TSHZ3: variants seen among roughly 807,000 people sequenced by gnomAD.
The protein encoded by TSHZ3 is teashirt homolog 3.
A neutral mutation model predicts 64.5 loss-of-function variants in TSHZ3; 10 were observed. The ratio of observed to expected loss-of-function variants is 0.16; its 90% CI spans 0.10 to 0.26. The LOEUF (loss-of-function observed/expected upper bound fraction) is 0.26. Among genes scored for constraint, TSHZ3 ranks in the 10% least tolerant of loss-of-function variants. TSHZ3 has a pLI of 1.00. For synonymous variants in TSHZ3, 608 were observed against 593.1 expected (o/e 1.03, Z -0.36); for missense variants, 1,242 against 1,421.7 (o/e 0.87, Z 2.03).
At chr19:31,184,230 A>G (rs1169840581) in intron 5 of TSHZ3, among the ~76,000 whole-genome samples, 4 of 152,198 alleles carry the variant, frequency 2.6e-5, no homozygotes, top group African/African-American at 9.7e-5. Flanking sequence ...TAATTGTAGG[A>G]AAAAGCTCTC....
At chr19:31,296,811 G>A (rs529453222) in intron 1 of TSHZ3, among the ~76,000 whole-genome samples, 1 of 152,156 alleles carries the variant, frequency 6.6e-6, no homozygotes, top group Non-Finnish European at 1.5e-5. Flanking sequence ...TGGCACTGGG[G>A]GTCAGTCACA....
At chr19:31,309,411 T>C (rs1916392535) in intron 1 of TSHZ3, among the ~76,000 whole-genome samples, 1 of 151,770 alleles carries the variant, frequency 6.6e-6, no homozygotes, top group Non-Finnish European at 1.5e-5. Context: ...GACAAAATAC[T>C]CTACAGGCGC....
chr19:31,269,382 C>T (rs73927329), intron 1 of TSHZ3, among the ~76,000 whole-genome samples: 2,203 of 152,212 alleles, frequency 0.014, 57 homozygotes, highest in African/African-American at 0.05. Context: ...GTCCGGCGAC[C>T]GTACCTCCAT....
At chr19:31,178,077 G>A (rs1057009753) in intron 5 of TSHZ3, among the ~76,000 whole-genome samples, 1 of 152,212 alleles carries the variant, frequency 6.6e-6, no homozygotes, top group Admixed American at 6.5e-5. Context: ...TCACAGCAGG[G>A]ACAGCCTGAG....
intron 1 of TSHZ3, among the ~76,000 whole-genome samples, chr19:31,329,533 G>A (rs1205025440): frequency 1.3e-5 from 2 of 152,150 alleles, no homozygotes; most frequent in African/African-American, 2.4e-5. Flanking sequence ...ACCTCACACC[G>A]GTGAAATTGG....
chr19:31,342,118 C>T (rs1474142166), intron 1 of TSHZ3, among the ~76,000 whole-genome samples: 1 of 152,172 alleles, frequency 6.6e-6, no homozygotes, highest in Non-Finnish European at 1.5e-5. Flanking sequence ...TTATGTGTAA[C>T]ATCAAAGTGA....
intron 1 of TSHZ3, among the ~76,000 whole-genome samples, chr19:31,330,988 C>A (rs1472042866): frequency 6.6e-6 from 1 of 152,222 alleles, no homozygotes; most frequent in Non-Finnish European, 1.5e-5. Context: ...GCCTGCCAGG[C>A]AAATTCTAGC....
chr19:31,165,397 A>G (rs1209222457), intron 5 of TSHZ3, among the ~76,000 whole-genome samples: 1 of 152,166 alleles, frequency 6.6e-6, no homozygotes, highest in Non-Finnish European at 1.5e-5. Context: ...TCATGACATG[A>G]ACCTCTTTTG....
At chr19:31,271,479 G>A (rs1348001030), downstream of TSHZ3, among the ~76,000 whole-genome samples, 2 of 152,188 alleles carry the variant, frequency 1.3e-5, no homozygotes, top group African/African-American at 4.8e-5. Context: ...CACACGGCAC[G>A]CAGGAAGGTG....
chr19:31,223,132 C>A (rs1272579201), intron 4 of TSHZ3, among the ~76,000 whole-genome samples: 1 of 152,158 alleles, frequency 6.6e-6, no homozygotes, highest in Non-Finnish European at 1.5e-5. Flanking sequence ...ACATCTGAGC[C>A]TGTAGATTTT....
rs888083341 is a variant in TSHZ3 at position 31,277,471 on chromosome 19, T to C, written c.2322A>G (p.Ala774=). Residue 774 remains alanine (A), a synonymous_variant, in exon 2 of 2, where the codon GCA becomes GCG. Transcript: ENST00000240587. The surrounding 1 kb of genome is among the most constrained non-coding windows in gnomAD (Gnocchi z 4.5). The part of the protein sequence containing the change: ...ATPPPLQSKK[A]DHLDRYFYHV... Reference sequence around the variant, plus strand: ...GGTAGAAATAGCGGTCGAGGTGGTCTGCCTTCTTGGACTGCAGGGGCGGCG... The same window carrying C: ...GGTAGAAATAGCGGTCGAGGTGGTCCGCCTTCTTGGACTGCAGGGGCGGCG... 6.2e-7 allele frequency: 1 copy of C among 1,613,698 alleles called. No homozygotes were observed. The highest frequency in any genetic ancestry group is 1.3e-5 in the African/African-American group (1 of 75,028).
intron 5 of TSHZ3, among the ~76,000 whole-genome samples, chr19:31,164,837 T>C (rs918646748): frequency 7.9e-5 from 12 of 152,200 alleles, no homozygotes; most frequent in Non-Finnish European, 1.3e-4. Context: ...CATCAAATGG[T>C]TAATACACCA....
intron 5 of TSHZ3, among the ~76,000 whole-genome samples, chr19:31,204,433 T>A (rs1975134849): frequency 6.6e-6 from 1 of 151,602 alleles, no homozygotes; most frequent in African/African-American, 2.4e-5. Flanking sequence ...CCTCTCTCCT[T>A]CTTTCTTTCC....
chr19:31,323,478 A>AT (rs1916836769), intron 1 of TSHZ3, among the ~76,000 whole-genome samples: 1 of 152,264 alleles, frequency 6.6e-6, no homozygotes, highest in Non-Finnish European at 1.5e-5. Flanking sequence ...AAGACAAAGC[A>AT]TAATTCTATC....
chr19:31,238,875 C>T (rs1185642900), intron 3 of TSHZ3, among the ~76,000 whole-genome samples: 2 of 152,100 alleles, frequency 1.3e-5, no homozygotes, highest in Admixed American at 6.5e-5. Flanking sequence ...AGTATATCTG[C>T]ATTTTATTAT....
intron 4 of TSHZ3, among the ~76,000 whole-genome samples, chr19:31,226,144 A>G (rs1369240200): frequency 1.3e-5 from 2 of 151,378 alleles, no homozygotes; most frequent in African/African-American, 4.9e-5. Context: ...AAAAAAAGCA[A>G]TGTGTCCATA....
In TSHZ3 at chr19:31,278,899, T is replaced by C; in HGVS notation, c.894A>G (p.Lys298=). The change falls in exon 2 of 2, where the codon AAA becomes AAG. Residue 298 remains lysine, a synonymous_variant. Coordinates refer to ENST00000240587, the MANE Select transcript of TSHZ3 (RefSeq NM_020856.4). This position sits in a 1 kb window ranked among gnomAD's most constrained non-coding sequence, Gnocchi z 4.7. ...CCTTCAGAGGCACTTTTTGGTAGTG[T>C]TTTGTTTTGATCATATGGACACTCA... The part of the protein sequence containing the change: ...QDLSVHMIKT[K]HYQKVPLKEP... 6.2e-7 allele frequency: 1 copy of C among 1,613,956 alleles called. No individual in the cohort carries two copies. The highest frequency in any genetic ancestry group is 1.6e-4 in the Middle Eastern group (1 of 6,062).
In TSHZ3 at chr19:31,152,283, C is replaced by CGTGT. The variant is rs3064806; in HGVS notation, n.872-543_872-540dup. Among the ~76,000 whole-genome samples, 62 of 147,404 alleles carry CGTGT rather than the reference C, an allele frequency of 4.2e-4. 1 individual carries two copies. The highest frequency in any genetic ancestry group is 1.2e-3 in the African/African-American group (48 of 40,140). On this transcript the variant is annotated intron_variant and non_coding_transcript_variant, in intron 6 of 6. Coordinates refer to the TSHZ3 transcript ENST00000651361. ...ATGCAATAACATGTGTATATGTGAG[C>CGTGT]GTGTGTGTGTGTGTGTGTGTGTGTG...
At chr19:31,305,506 A>G (rs1410964864) in intron 1 of TSHZ3, 1 of 152,200 alleles carries the variant, frequency 6.6e-6, no homozygotes, top group Non-Finnish European at 1.5e-5. Flanking sequence ...GAGAAAGGTA[A>G]AAGGTGCCCG....
Sources: gnomAD v4.1 joint callset for allele counts (sites outside exome capture counted in the v4.1 genomes callset) on GRCh38, gnomAD v4.1.1 for gene constraint, Gnocchi (gnomAD v3.1) non-coding constraint, MANE v1.5 for transcripts, NCBI Gene and HGNC (gene_info 2026-07-23, HGNC 2026-07-21) for gene names.